Variants in ABCC4 observed in about 807,000 individuals in gnomAD.
ABCC4 encodes the protein ATP-binding cassette sub-family C member 4.
Under a neutral mutation model 168.5 loss-of-function variants are expected in ABCC4, and 102 were observed. The observed-to-expected ratio is 0.61, with a 90% CI of 0.52 to 0.71. The LOEUF is 0.71. Among genes scored for constraint, ABCC4 ranks in the 30% least tolerant of loss-of-function variants. ABCC4 has a pLI of 0.00. For missense variants in ABCC4, 1,402 were observed against 1,605.8 expected (o/e 0.87, Z 2.17); for synonymous variants, 617 against 590.7 (o/e 1.04, Z -0.65).
intron 20 of ABCC4, among the ~76,000 whole-genome samples, chr13:95,092,324 A>C (rs754050457): frequency 6.6e-6 from 1 of 152,178 alleles, no homozygotes; most frequent in Non-Finnish European, 1.5e-5. Context: ...TAACATACAT[A>C]AATAGAACAT....
chr13:95,243,437 G>C (rs571684046), intron 3 of ABCC4, among the ~76,000 whole-genome samples: 143 of 152,332 alleles, frequency 9.4e-4, no homozygotes, highest in African/African-American at 3.2e-3. Flanking sequence ...TCAATGTCGT[G>C]ACCATGCAAG....
At chr13:95,186,261 T>C (rs556917876) in intron 11 of ABCC4, among the ~76,000 whole-genome samples, 2 of 148,478 alleles carry the variant, frequency 1.3e-5, no homozygotes, top group East Asian at 2.0e-4. Flanking sequence ...TAAAATACAA[T>C]TGAGGCCAAG....
In ABCC4 at chr13:95,188,387, T is replaced by G. The variant is rs547332148; in HGVS notation, c.1353+66A>C. 2.7e-6 allele frequency: 4 copies of G among 1,465,370 alleles called. No individual in the cohort carries two copies. In the African/African-American group the frequency reaches 5.6e-5, roughly 20 times the overall value. 90.8% of individuals were successfully genotyped at this position (1,465,370 alleles called of 1,614,324 possible). A position where few individuals can be genotyped will look rare whatever the true frequency, so the allele number is the denominator to read the frequency against. On this transcript the variant is annotated intron_variant, in intron 10 of 30. Transcript: ENST00000645237. ...AATTGTGTTACACGTAGCCTTGGGCTCAAACCCACGAAGTTAATATGATAA... is the reference window on the plus strand; with the variant it reads ...AATTGTGTTACACGTAGCCTTGGGCGCAAACCCACGAAGTTAATATGATAA...
chr13:95,073,788 T>C (rs1365094437), intron 23 of ABCC4, among the ~76,000 whole-genome samples: 1 of 152,214 alleles, frequency 6.6e-6, no homozygotes, highest in East Asian at 1.9e-4. Context: ...GCCCTGCTTG[T>C]CTGGTACCCA....
At chr13:95,244,957 C>T (rs1016585188) in intron 3 of ABCC4, among the ~76,000 whole-genome samples, 3 of 152,062 alleles carry the variant, frequency 2.0e-5, no homozygotes, top group Admixed American at 6.6e-5. Flanking sequence ...CCCCTCGATC[C>T]GGGCCCCTTC....
chr13:95,134,415 A>G (rs2036074280), intron 19 of ABCC4, among the ~76,000 whole-genome samples: 1 of 152,156 alleles, frequency 6.6e-6, no homozygotes, highest in East Asian at 1.9e-4. Context: ...ACTATTCTAG[A>G]AAAGTGTTCT....
chr13:95,076,626 G>T (rs1751044), intron 21 of ABCC4, among the ~76,000 whole-genome samples: 2 of 151,656 alleles, frequency 1.3e-5, no homozygotes, highest in Admixed American at 1.3e-4. Context: ...CACCACGGCC[G>T]GCTAATTTTT....
intron 1 of ABCC4, among the ~76,000 whole-genome samples, chr13:95,262,692 G>A (rs1316145216): frequency 6.6e-6 from 1 of 151,320 alleles, no homozygotes. Context: ...GAGTGCTGTG[G>A]TGCGATCTCG....
chr13:95,127,108 A>G (rs1478714494), intron 19 of ABCC4, among the ~76,000 whole-genome samples: 2 of 151,436 alleles, frequency 1.3e-5, no homozygotes, highest in Non-Finnish European at 2.9e-5. Flanking sequence ...ACGCCCCACA[A>G]CCCTCTGCAG....
At chr13:95,279,248 C>A (rs1455587219) in intron 1 of ABCC4, among the ~76,000 whole-genome samples, 1 of 152,208 alleles carries the variant, frequency 6.6e-6, no homozygotes, top group Non-Finnish European at 1.5e-5. Context: ...TGGAGTATGA[C>A]TCCCCCTTCT....
At chr13:95,293,245 C>G (rs1486977646) in intron 1 of ABCC4, among the ~76,000 whole-genome samples, 1 of 151,910 alleles carries the variant, frequency 6.6e-6, no homozygotes, top group Non-Finnish European at 1.5e-5. Flanking sequence ...GTAATCCCAG[C>G]TACTTGGGAG....
chr13:95,177,587 C>T, intron 13 of ABCC4, 120 bp downstream of exon 13: 1 of 690,908 alleles, frequency 1.4e-6, no homozygotes, highest in Non-Finnish European at 2.4e-6. Flanking sequence ...AAGCAGGGGA[C>T]AGTGTGGGGA....
chr13:95,272,112 T>C lies in ABCC4; in HGVS notation c.75-24359A>G, dbSNP rs1237701648. On this transcript the variant is annotated intron_variant, in intron 1 of 30. Coordinates refer to ENST00000645237, the MANE Select transcript of ABCC4 (RefSeq NM_005845.5). ...CAGGCTGGGGTGCAATGGCACGATC[T>C]CGGCTCACTGCAACCTCCACCTCCT... Among the ~76,000 whole-genome samples the C allele has an allele frequency of 7.9e-5, 12 of 152,138 alleles. No homozygotes were observed. In the South Asian group the frequency reaches 2.1e-3, roughly 26 times the overall value.
intron 4 of ABCC4, among the ~76,000 whole-genome samples, chr13:95,222,062 AC>A (rs1189124815): frequency 3.9e-5 from 6 of 152,212 alleles, no homozygotes; most frequent in Admixed American, 3.9e-4. Flanking sequence ...TGTTAAGCAC[AC>A]AGGTGACATA....
intron 19 of ABCC4, among the ~76,000 whole-genome samples, chr13:95,141,230 C>A (rs2036307447): frequency 6.6e-6 from 1 of 152,212 alleles, no homozygotes; most frequent in Non-Finnish European, 1.5e-5. Flanking sequence ...GCAAAGGCAA[C>A]AGCCAGCACA....
intron 1 of ABCC4, among the ~76,000 whole-genome samples, chr13:95,279,806 G>A (rs1001776503): frequency 6.6e-6 from 1 of 152,134 alleles, no homozygotes; most frequent in Non-Finnish European, 1.5e-5. Flanking sequence ...ATGGGGAAGT[G>A]GGGTTCGCCA....
Position 95,186,692 on chromosome 13 carries a change from A to G in ABCC4, c.1545+9T>C, listed in dbSNP as rs1384863797. 1.9e-6 allele frequency: 3 copies of G among 1,609,602 alleles called. No individual in the cohort carries two copies. Among genetic ancestry groups the G allele is most frequent in the Non-Finnish European group, 1.7e-6 (2 of 1,177,192 alleles). ...TTCGAGTACATGAAATCCAAAAGTC[A>G]TCACTCACCTTTTTCAGAGCACAAG... On this transcript the variant is annotated intron_variant, in intron 11 of 30. Coordinates refer to ENST00000645237, the MANE Select transcript of ABCC4 (RefSeq NM_005845.5).
chr13:95,218,709 G>A (rs1400533171), intron 4 of ABCC4, among the ~76,000 whole-genome samples: 2 of 151,784 alleles, frequency 1.3e-5, no homozygotes, highest in Non-Finnish European at 2.9e-5. Flanking sequence ...AAATTAACCA[G>A]GCATGGTGGC....
intron 11 of ABCC4, 48 bp downstream of exon 11, chr13:95,186,653 A>G: frequency 6.5e-7 from 1 of 1,527,778 alleles, no homozygotes; most frequent in Non-Finnish European, 8.9e-7. Context: ...AGTGAACACT[A>G]GTATTACTGG....
Sources: allele counts gnomAD v4.1 joint callset (sites outside exome capture counted in the v4.1 genomes callset), GRCh38; gene constraint gnomAD v4.1.1; transcripts MANE v1.5; gene names NCBI Gene and HGNC (gene_info 2026-07-23, HGNC 2026-07-21).